CIDEC: variants seen among roughly 807,000 people sequenced by gnomAD.
CIDEC encodes the protein lipid transferase CIDEC.
A neutral mutation model predicts 21.9 loss-of-function variants in CIDEC; 11 were observed. That is an observed-to-expected ratio of 0.50 (90% CI 0.32 to 0.83). The LOEUF (loss-of-function observed/expected upper bound fraction) is 0.83. Among genes scored for constraint, CIDEC ranks in the 40% least tolerant of loss-of-function variants. The pLI is 0.04. For missense variants in CIDEC, 302 were observed against 302.3 expected (o/e 1.00, Z 0.01); for synonymous variants, 127 against 124.9 (o/e 1.02, Z -0.11).
rs557142406 is a variant in CIDEC at position 9,878,981 on chromosome 3, A to T, written c.-65T>A. On this transcript the variant is annotated 5_prime_UTR_variant, in exon 2 of 7. Transcript: ENST00000336832. ...CCTCACAGGCAGGCAGCCCAGTCAA[A>T]GCCTCCTCTCTCCCATGGGTCCTTG... 7.5e-6 allele frequency: 5 copies of T among 665,440 alleles called. No individual in the cohort carries two copies. In the Admixed American group the frequency reaches 8.7e-5, roughly 12 times the overall value. 41.2% of individuals were successfully genotyped at this position (665,440 alleles called of 1,614,324 possible).
rs1176952765 is a variant in CIDEC at position 9,866,853 on chromosome 3, G to C, written c.*281C>G. 7 of 601,708 alleles carry C rather than the reference G, an allele frequency of 1.2e-5. No homozygotes were observed. Among genetic ancestry groups the C allele is most frequent in the African/African-American group, 9.3e-5 (5 of 54,006 alleles). The allele number at this position is 601,708 out of a possible 1,614,324, so 37.3% of individuals were successfully genotyped here. ...AGCCTGCGAGGCCAGATTGCTAAGG[G>C]GCAGACTTCATGCCAATGGAGGGAC... On this transcript the variant is annotated 3_prime_UTR_variant, in exon 7 of 7. Coordinates refer to ENST00000336832, the MANE Select transcript of CIDEC (RefSeq NM_001321142.2).
rs1168516823 is a variant in CIDEC, at chr3:9,870,257, A to G, written c.273T>C (p.Thr91=). Residue 91 remains threonine, a synonymous_variant, in exon 5 of 7, where the codon ACT becomes ACC. Coordinates refer to ENST00000336832, the MANE Select transcript of CIDEC (RefSeq NM_001321142.2). Reference sequence around the variant, plus strand: ...CTTGGAAGTACTCTTCTGTCTCTACAGTTGTGCCATCTTCCTCCAGCACCA... The same window carrying G: ...CTTGGAAGTACTCTTCTGTCTCTACGGTTGTGCCATCTTCCTCCAGCACCA... ...FFLVLEEDGT[T]VETEEYFQAL... The G allele has an allele frequency of 8.1e-6, 13 of 1,613,956 alleles. No homozygotes were observed. The Admixed American group carries it at 2.2e-4, about 27-fold the overall frequency.
chr3:9,870,484 T>C, intron 4 of CIDEC, 162 bp from the exon 5 acceptor site: 6 of 1,526,354 alleles, frequency 3.9e-6, no homozygotes, highest in Non-Finnish European at 5.3e-6. Flanking sequence ...TCTAGAATAA[T>C]ATTGTCCAAT....
At chr3:9,868,907 C>G (rs2082308076) in intron 6 of CIDEC, among the ~76,000 whole-genome samples, 1 of 152,112 alleles carries the variant, frequency 6.6e-6, no homozygotes, top group African/African-American at 2.4e-5. Context: ...CAGCCTCAAA[C>G]TCCTGGGCTC....
At chr3:9,879,930 G>A (rs1037752155) in intron 1 of CIDEC, among the ~76,000 whole-genome samples, 14 of 152,108 alleles carry the variant, frequency 9.2e-5, no homozygotes, top group African/African-American at 3.1e-4. Context: ...AGGGGCACAA[G>A]GGGTGGACAT....
Position 9,870,224 on chromosome 3 carries a change from T to C in CIDEC, c.306A>G (p.Ala102=), listed in dbSNP as rs1202054838. 2.5e-6 allele frequency: 4 copies of C among 1,614,060 alleles called. No individual in the cohort carries two copies. Among genetic ancestry groups the C allele is most frequent in the Non-Finnish European group, 3.4e-6 (4 of 1,180,028 alleles). The change falls in exon 5 of 7, where the codon GCA becomes GCG. Residue 102 remains alanine (A), a synonymous_variant. Coordinates refer to ENST00000336832, the MANE Select transcript of CIDEC (RefSeq NM_001321142.2). ...GGAGGACCATGAACACTGTATCCCC[T>C]GCCAGGGCTTGGAAGTACTCTTCTG... ...VETEEYFQAL[A]GDTVFMVLQK...
In CIDEC at chr3:9,878,451, G is replaced by A. The variant is rs774070829; in HGVS notation, c.36C>T (p.Tyr12=). 2.5e-6 allele frequency: 4 copies of A among 1,613,562 alleles called. No homozygotes were observed. In the South Asian group the frequency reaches 4.4e-5, roughly 18 times the overall value. Residue 12 remains tyrosine, a synonymous_variant, in exon 3 of 7, where the codon TAC becomes TAT. Transcript: ENST00000336832. The part of the protein sequence containing the change: ...EYAMKSLSLL[Y]PKSLSRHVSV... Reference sequence around the variant, plus strand: ...TTCCTCACCTGGAGAGGGACTTGGGGTAGAGAAGGCTAAGGGACTTCATGG... The same window carrying A: ...TTCCTCACCTGGAGAGGGACTTGGGATAGAGAAGGCTAAGGGACTTCATGG...
intron 6 of CIDEC, 129 bp downstream of exon 6, chr3:9,869,753 G>A (rs780085989): frequency 3.4e-5 from 29 of 858,872 alleles, no homozygotes; most frequent in Non-Finnish European, 5.3e-5. Context: ...CGTGTTGTCT[G>A]ATACAGGCTA....
Position 9,867,097 on chromosome 3 carries a change from G to C in CIDEC, c.*37C>G. ...CAGTTAAGCGTGAGGCCCCCAGTCA[G>C]TCCTTCACTGGGGAAAGCTTCCAAG... On this transcript the variant is annotated 3_prime_UTR_variant, in exon 7 of 7. Coordinates refer to ENST00000336832, the MANE Select transcript of CIDEC (RefSeq NM_001321142.2). The C allele has an allele frequency of 6.2e-7, 1 of 1,604,808 alleles. No individual in the cohort carries two copies. Among genetic ancestry groups the C allele is most frequent in the Non-Finnish European group, 8.5e-7 (1 of 1,173,066 alleles).
At chr3:9,875,382 AAAAAAAAAAAAG>A (rs951027043) in intron 4 of CIDEC, among the ~76,000 whole-genome samples, 1 of 147,768 alleles carries the variant, frequency 6.8e-6, no homozygotes, top group African/African-American at 2.6e-5. Context: ...GTCTCAAAAA[AAAAAAAAAAAAG>A]AAAAAAGAAA....
chr3:9,867,415 T>G, intron 6 of CIDEC, 119 bp from the exon 7 acceptor site: 1 of 977,398 alleles, frequency 1.0e-6, no homozygotes, highest in Non-Finnish European at 1.6e-6. Flanking sequence ...AGGTCAGGAG[T>G]TTGAGACTAG....
In CIDEC at chr3:9,866,984, A is replaced by T. The variant is rs2082277756; in HGVS notation, c.*150T>A. 1.1e-6 allele frequency: 1 copy of T among 899,006 alleles called. No individual in the cohort carries two copies. The highest frequency in any genetic ancestry group is 1.6e-5 in the African/African-American group (1 of 61,112). 55.7% of individuals were successfully genotyped at this position (899,006 alleles called of 1,614,324 possible). A position where few individuals can be genotyped will look rare whatever the true frequency, so the allele number is the denominator to read the frequency against. ...TTTGGCCAACCCACCCCAGGTTTCC[A>T]GCTCCTCCTCCTCACTCAGGGTCCT... On this transcript the variant is annotated 3_prime_UTR_variant, in exon 7 of 7. Coordinates refer to ENST00000336832, the MANE Select transcript of CIDEC (RefSeq NM_001321142.2).
intron 4 of CIDEC, 72 bp from the exon 5 acceptor site, chr3:9,870,394 A>G (rs2082332045): frequency 5.0e-6 from 8 of 1,598,870 alleles, no homozygotes; most frequent in Non-Finnish European, 6.8e-6. Flanking sequence ...GTGGAACTGG[A>G]GCCCAGGCCC....
rs557130147 is a variant in CIDEC, at chr3:9,878,428, C to A, written c.53+6G>T. On this transcript the variant is annotated splice_donor_region_variant and intron_variant, in intron 3 of 6. Transcript: ENST00000336832. The stretch of plus-strand genomic sequence containing the variant: ...CTCTTTCCATTCTGCCCATGACTTT[C>A]CTCACCTGGAGAGGGACTTGGGGTA... 6.2e-7 allele frequency: 1 copy of A among 1,609,072 alleles called. No homozygotes were observed. Among genetic ancestry groups the A allele is most frequent in the Non-Finnish European group, 8.5e-7 (1 of 1,175,364 alleles).
chr3:9,878,176 T>G, intron 3 of CIDEC: 1 of 481,970 alleles, frequency 2.1e-6, no homozygotes, highest in Non-Finnish European at 3.8e-6. Context: ...GAGGCTTACA[T>G]GAGATCAGGA....
chr3:9,868,433 C>T (rs2125040751), intron 6 of CIDEC, among the ~76,000 whole-genome samples: 2 of 152,320 alleles, frequency 1.3e-5, no homozygotes, highest in African/African-American at 4.8e-5. Flanking sequence ...AGGCCTAAGT[C>T]CTAATCCAGT....
chr3:9,878,567 C>T (rs1404708681), intron 2 of CIDEC, 56 bp from the exon 3 acceptor site: 16 of 1,505,574 alleles, frequency 1.1e-5, no homozygotes, highest in Admixed American at 1.7e-5. Flanking sequence ...TCCCATCTCT[C>T]TCATTGTTAG....
At chr3:9,875,716 G>A (rs996403130) in intron 4 of CIDEC, among the ~76,000 whole-genome samples, 14 of 152,216 alleles carry the variant, frequency 9.2e-5, no homozygotes, top group African/African-American at 2.9e-4. Context: ...TGTAGAAAAT[G>A]CACATTGAAG....
chr3:9,874,155 A>C (rs1284742997), intron 4 of CIDEC, among the ~76,000 whole-genome samples: 1 of 152,192 alleles, frequency 6.6e-6, no homozygotes, highest in Non-Finnish European at 1.5e-5. Context: ...ATCAATAAAT[A>C]ATCTGTTGCC....
Sources: gnomAD v4.1 joint callset for allele counts (sites outside exome capture counted in the v4.1 genomes callset) on GRCh38, gnomAD v4.1.1 for gene constraint, MANE v1.5 for transcripts, NCBI Gene and HGNC (gene_info 2026-07-23, HGNC 2026-07-21) for gene names.